The following JAZF1 variants were observed in gnomAD, a reference collection of about 807,000 sequenced individuals.
JAZF1 encodes juxtaposed with another zinc finger protein 1.
Under a neutral mutation model 26.4 loss-of-function variants are expected in JAZF1, and 8 were observed. The ratio of observed to expected loss-of-function variants is 0.30; its 90% CI spans 0.18 to 0.55. The LOEUF (loss-of-function observed/expected upper bound fraction) is 0.55, where lower values mean the gene tolerates loss of function less well. JAZF1 is among the 20% of genes least tolerant of loss of function. The pLI is 0.94. For synonymous variants in JAZF1, 126 were observed against 122.3 expected (o/e 1.03, Z -0.20); for missense variants, 199 against 322.0 (o/e 0.62, Z 2.92).
intron 2 of JAZF1, among the ~76,000 whole-genome samples, chr7:27,931,912 C>T (rs934945375): frequency 2.0e-5 from 3 of 151,092 alleles, no homozygotes; most frequent in East Asian, 3.9e-4. Context: ...GACCCTGTCT[C>T]GAAAAAATAA....
chr7:28,158,083 C>A (rs974507677), intron 1 of JAZF1, among the ~76,000 whole-genome samples: 3 of 151,906 alleles, frequency 2.0e-5, no homozygotes, highest in Non-Finnish European at 4.4e-5. Context: ...CTCGACCTCT[C>A]AAAACTTGGT....
chr7:27,842,126 G>A (rs1385051840), intron 3 of JAZF1: 4 of 152,076 alleles, frequency 2.6e-5, no homozygotes, highest in Non-Finnish European at 4.4e-5. Context: ...CAGGGACGCC[G>A]GCATCTGAGG....
At chr7:28,068,498 C>T (rs2127908891) in intron 1 of JAZF1, among the ~76,000 whole-genome samples, 1 of 152,230 alleles carries the variant, frequency 6.6e-6, no homozygotes, top group East Asian at 1.9e-4. Flanking sequence ...CCCTGAAGAC[C>T]TTGCAAATGA....
chr7:27,953,421 C>T (rs1785042345), intron 2 of JAZF1, among the ~76,000 whole-genome samples: 1 of 152,192 alleles, frequency 6.6e-6, no homozygotes, highest in African/African-American at 2.4e-5. Flanking sequence ...CCAAAATGTG[C>T]CATATTAGTT....
chr7:27,979,142 T>TATAAGAAC (rs1287008839), intron 2 of JAZF1, among the ~76,000 whole-genome samples: 1 of 152,016 alleles, frequency 6.6e-6, no homozygotes, highest in Non-Finnish European at 1.5e-5. Context: ...GTAACTAAGT[T>TATAAGAAC]ATAAGAACAT....
chr7:28,083,052 C>G (rs1301219778), intron 1 of JAZF1, among the ~76,000 whole-genome samples: 1 of 152,210 alleles, frequency 6.6e-6, no homozygotes, highest in Non-Finnish European at 1.5e-5. Flanking sequence ...CTGCTGTACT[C>G]GTGGATTAAA....
At chr7:27,974,111 C>T (rs1266618199) in intron 2 of JAZF1, among the ~76,000 whole-genome samples, 2 of 152,014 alleles carry the variant, frequency 1.3e-5, no homozygotes, top group Admixed American at 6.6e-5. Context: ...AAAGAGGAGG[C>T]ACTCTGGAGA....
intron 1 of JAZF1, among the ~76,000 whole-genome samples, chr7:28,019,830 G>A (rs535260261): frequency 1.7e-3 from 258 of 152,096 alleles, no homozygotes; most frequent in African/African-American, 6.0e-3. Context: ...CAGGCTCTGC[G>A]ACAAACAGAC....
intron 1 of JAZF1, among the ~76,000 whole-genome samples, chr7:28,138,950 T>C (rs1451739570): frequency 6.6e-6 from 1 of 152,148 alleles, no homozygotes; most frequent in African/African-American, 2.4e-5. Context: ...TACCAACACA[T>C]AAATATGAAT....
intron 1 of JAZF1, among the ~76,000 whole-genome samples, chr7:28,089,658 C>T (rs1311206050): frequency 3.3e-5 from 5 of 152,262 alleles, no homozygotes; most frequent in South Asian, 2.1e-4. Flanking sequence ...TCTGGGAAAA[C>T]ACTTAAGTAA....
intron 1 of JAZF1, among the ~76,000 whole-genome samples, chr7:28,058,470 C>A (rs1293620273): frequency 6.6e-6 from 1 of 152,032 alleles, no homozygotes; most frequent in Non-Finnish European, 1.5e-5. Flanking sequence ...ACTGATTCTA[C>A]CCCCCAGTCT....
At chr7:28,046,629 C>T (rs1183156790) in intron 1 of JAZF1, among the ~76,000 whole-genome samples, 2 of 152,274 alleles carry the variant, frequency 1.3e-5, no homozygotes, top group African/African-American at 4.8e-5. Context: ...CCAAGAGCGT[C>T]CTTTCTGACA....
At chr7:28,026,024 G>A (rs1783088088) in intron 1 of JAZF1, among the ~76,000 whole-genome samples, 2 of 152,124 alleles carry the variant, frequency 1.3e-5, no homozygotes, top group Admixed American at 1.3e-4. Context: ...AATGACAACA[G>A]GACAAATGTG....
intron 1 of JAZF1, among the ~76,000 whole-genome samples, chr7:28,135,381 T>C (rs760394712): frequency 6.6e-6 from 1 of 152,214 alleles, no homozygotes; most frequent in African/African-American, 2.4e-5. Flanking sequence ...TTGTTTAATA[T>C]GTAAGGGTTG....
At chr7:28,048,259 A>G (rs965503574) in intron 1 of JAZF1, among the ~76,000 whole-genome samples, 5 of 152,202 alleles carry the variant, frequency 3.3e-5, no homozygotes, top group African/African-American at 9.7e-5. Flanking sequence ...CTTACCCTCA[A>G]GTAAGCTTGC....
chr7:27,944,948 A>G (rs1452619159), intron 2 of JAZF1, among the ~76,000 whole-genome samples: 1 of 152,194 alleles, frequency 6.6e-6, no homozygotes, highest in Non-Finnish European at 1.5e-5. Flanking sequence ...GAACGCTGTC[A>G]TCTGCTACGG....
chr7:28,015,033 ATGTGTGTGTGTGTG>A (rs397804972), intron 1 of JAZF1, among the ~76,000 whole-genome samples: 4 of 140,690 alleles, frequency 2.8e-5, no homozygotes, highest in African/African-American at 5.7e-5. Flanking sequence ...GAAAGTGTGT[ATGTGTGTGTGTGTG>A]TGTGTGTGTG....
At chr7:28,128,086 A>T (rs1782726741) in intron 1 of JAZF1, among the ~76,000 whole-genome samples, 1 of 152,174 alleles carries the variant, frequency 6.6e-6, no homozygotes, top group Admixed American at 6.5e-5. Flanking sequence ...TCAGAGTTCC[A>T]GGAGGCCATA....
chr7:28,148,330 C>T lies in JAZF1; in HGVS notation c.115+32133G>A, dbSNP rs796101225. 3.0e-4 allele frequency among the ~76,000 whole-genome samples: 46 copies of T among 152,304 alleles called. 1 individual carries two copies. The highest frequency in any genetic ancestry group is 1.1e-3 in the African/African-American group (46 of 41,568). ...AGGTGATCCATCCACCTCGGCCTCC[C>T]AAAGTGCTGGGATTATAGGCGTGAG... On this transcript the variant is annotated intron_variant, in intron 1 of 4. Coordinates refer to ENST00000283928, the MANE Select transcript of JAZF1 (RefSeq NM_175061.4).
Sources: gnomAD v4.1 joint callset for allele counts (sites outside exome capture counted in the v4.1 genomes callset) on GRCh38, gnomAD v4.1.1 for gene constraint, MANE v1.5 for transcripts, NCBI Gene and HGNC (gene_info 2026-07-23, HGNC 2026-07-21) for gene names.